ZSCAN12: variants seen among roughly 807,000 people sequenced by gnomAD.
ZSCAN12 encodes zinc finger and SCAN domain-containing protein 12.
A neutral mutation model predicts 23.4 loss-of-function variants in ZSCAN12; 18 were observed. The ratio of observed to expected loss-of-function variants is 0.77; its 90% CI spans 0.53 to 1.14. The LOEUF (loss-of-function observed/expected upper bound fraction) is 1.14. ZSCAN12 is among the 50% of genes most tolerant of loss of function. ZSCAN12 has a pLI of 0.00. For missense variants in ZSCAN12, 650 were observed against 735.0 expected, an observed-to-expected ratio of 0.88 and a Z score of 1.34; for synonymous variants, 186 against 253.4, an observed-to-expected ratio of 0.73 and a Z score of 2.53.
In ZSCAN12 at chr6:28,391,726, A is replaced by G. The variant is rs765246927; in HGVS notation, c.564T>C (p.Thr188=). ...SQQEQVLDVE[T]GNEYGNLKQE... is the part of the protein sequence containing the mutation. ...GCTTTAAATTCCCATACTCATTTCC[A>G]GTCTCAACATCTAAAACTAAGAAGG... is the stretch of plus-strand genomic sequence containing the variant. Residue 188 remains threonine, a synonymous_variant, in exon 4 of 4, where the codon ACT becomes ACC. Coordinates refer to ENST00000684592, the MANE Select transcript of ZSCAN12 (RefSeq NM_001163391.2). The surrounding 1 kb of genome is among the most constrained non-coding windows in gnomAD (Gnocchi z 4.1). 1 of 1,532,608 alleles carries G rather than the reference A, an allele frequency of 6.5e-7. No homozygotes were observed. 94.9% of individuals were successfully genotyped at this position (1,532,608 alleles called of 1,614,324 possible).
In ZSCAN12 at chr6:28,389,030, C is replaced by G. The variant is rs1760682588; in HGVS notation, c.*1424G>C. Among the ~76,000 whole-genome samples the G allele has an allele frequency of 6.6e-6, 1 of 152,054 alleles. No homozygotes were observed. Among genetic ancestry groups the G allele is most frequent in the African/African-American group, 2.4e-5 (1 of 41,394 alleles). ...TTGGTTGATTCATTTTTCAGAAGCC[C>G]AAGGGATAGTATCTCTAATTTGGGG... On this transcript the variant is annotated 3_prime_UTR_variant, in exon 4 of 4. Coordinates refer to ENST00000684592, the MANE Select transcript of ZSCAN12 (RefSeq NM_001163391.2).
At position 28,391,452 on chromosome 6, in the gene ZSCAN12, C is replaced by A. The variant is rs1750642679; in HGVS notation, c.838G>T (p.Gly280Ter). 1 of 1,551,838 alleles carries A rather than the reference C, an allele frequency of 6.4e-7. No individual in the cohort carries two copies. ...GEESYGCDDCGKAFSQHSHLI... is the reference protein window; with the variant it reads ...GEESYGCDDC ...TGTGAGTGCTGACTAAAAGCTTTTC[C>A]ACAGTCATCACATCCGTAAGATTCT... The change falls in exon 4 of 4, where the codon GGA (glycine) becomes TGA (stop). Residue 280 changes from glycine to a stop codon, truncating the protein, a stop_gained. Coordinates refer to ENST00000684592, the MANE Select transcript of ZSCAN12 (RefSeq NM_001163391.2). LOFTEE classifies it low-confidence loss of function (END_TRUNC). This position sits in a 1 kb window ranked among gnomAD's most constrained non-coding sequence, Gnocchi z 4.1.
chr6:28,398,025 T>TTC lies in ZSCAN12; in HGVS notation c.379_380dup (p.Leu128AsnfsTer39). ...TCACCTGCTCTCCTGGTTCATCCAG[T>TTC]TCTCTCTCTAAATCCTCCAGCACAG... On this transcript the variant is annotated frameshift_variant, in exon 2 of 4. Coordinates refer to ENST00000684592, the MANE Select transcript of ZSCAN12 (RefSeq NM_001163391.2). LOFTEE classifies it high-confidence loss of function. The TTC allele has an allele frequency of 1.2e-6, 2 of 1,601,972 alleles. No individual in the cohort carries two copies. Among genetic ancestry groups the TTC allele is most frequent in the Non-Finnish European group, 1.7e-6 (2 of 1,175,280 alleles).
At position 28,385,968 on chromosome 6, in the gene ZSCAN12, C is replaced by G. The variant is rs1349962230; in HGVS notation, c.*4486G>C. Among the ~76,000 whole-genome samples, 1 of 152,208 alleles carries G rather than the reference C, an allele frequency of 6.6e-6. No homozygotes were observed. The highest frequency in any genetic ancestry group is 1.5e-5 in the Non-Finnish European group (1 of 68,034). On this transcript the variant is annotated 3_prime_UTR_variant, in exon 4 of 4. Transcript: ENST00000684592. ...TGAGATGTCTCAATTTGGAGCCCTGCTCAATCCCACTGTCTTTCCTCATTA... is the reference window on the plus strand; with the variant it reads ...TGAGATGTCTCAATTTGGAGCCCTGGTCAATCCCACTGTCTTTCCTCATTA...
downstream of ZSCAN12, chr6:28,381,984 T>C: frequency 6.6e-6 from 1 of 152,290 alleles, no homozygotes; most frequent in East Asian, 1.9e-4. Context: ...TGGGAAATGT[T>C]GGGTTATGGC....
Position 28,385,203 on chromosome 6 carries a change from A to T in ZSCAN12, c.*5251T>A, listed in dbSNP as rs1445174464. ...ACAAATCTTTAAATCTTTCTGTATTAAATTAGACAGCCAAATATTCCTTAT... is the reference window on the plus strand; with the variant it reads ...ACAAATCTTTAAATCTTTCTGTATTTAATTAGACAGCCAAATATTCCTTAT... On this transcript the variant is annotated 3_prime_UTR_variant, in exon 4 of 4. Coordinates refer to ENST00000684592, the MANE Select transcript of ZSCAN12 (RefSeq NM_001163391.2). 6.6e-6 allele frequency among the ~76,000 whole-genome samples: 1 copy of T among 152,216 alleles called. No individual in the cohort carries two copies. The highest frequency in any genetic ancestry group is 2.4e-5 in the African/African-American group (1 of 41,454).
In ZSCAN12 at chr6:28,390,800, T is replaced by C. The variant is rs1301765054; in HGVS notation, c.1490A>G (p.Tyr497Cys). ...CGCCTTCCCACACTTATCACATTTA[T>C]AGGGTCTTTCTCCAGTGTGAATTCG... ...HQRIHTGERP[Y>C]KCDKCGKAFT... Residue 497 changes from tyrosine to cysteine, a missense_variant, in exon 4 of 4, where the codon TAT (tyrosine) becomes TGT (cysteine). Transcript: ENST00000684592. 2.5e-6 allele frequency: 4 copies of C among 1,601,152 alleles called. No individual in the cohort carries two copies. The highest frequency in any genetic ancestry group is 2.2e-5 in the East Asian group (1 of 44,478).
chr6:28,394,781 G>C, intron 2 of ZSCAN12, among the ~76,000 whole-genome samples: 1 of 151,752 alleles, frequency 6.6e-6, no homozygotes. Flanking sequence ...ATCCTATCTC[G>C]TGGCTTTAAA....
downstream of ZSCAN12, chr6:28,382,511 G>A (rs1221023821): frequency 3.2e-6 from 5 of 1,551,992 alleles, no homozygotes; most frequent in Non-Finnish European, 3.5e-6. Flanking sequence ...CCTGAAACAA[G>A]ATTGCCATTC....
At position 28,398,269 on chromosome 6, in the gene ZSCAN12, C is replaced by T. The variant is rs376422412; in HGVS notation, c.137G>A (p.Arg46His). ...KNNTHSREVF[R>H]QYFRQFCYQE... ...GTAGCAGAACTGTCTGAAGTACTGA[C>T]GGAAGACCTCTCTGCTATGGGTGTT... Residue 46 changes from arginine to histidine, a missense_variant, in exon 2 of 4, where the codon CGT becomes CAT. Transcript: ENST00000684592. 39 of 1,611,054 alleles carry T rather than the reference C, an allele frequency of 2.4e-5. No individual in the cohort carries two copies. Among genetic ancestry groups the T allele is most frequent in the African/African-American group, 2.4e-4 (18 of 74,834 alleles).
At chr6:28,382,673 C>A, downstream of ZSCAN12, 1 of 1,527,718 alleles carries the variant, frequency 6.5e-7, no homozygotes, top group South Asian at 1.2e-5. Context: ...GCCAAGAACT[C>A]ACTTATCTGA....
chr6:28,398,801 CG>C (rs927492557), intron 1 of ZSCAN12, among the ~76,000 whole-genome samples: 1 of 149,154 alleles, frequency 6.7e-6, no homozygotes, highest in Admixed American at 6.7e-5. Context: ...GGCGTGACGG[CG>C]GGCGCCTGTA....
In ZSCAN12 at chr6:28,391,625, C is replaced by A. The variant is rs369910447; in HGVS notation, c.665G>T (p.Arg222Met). The change falls in exon 4 of 4, where the codon AGG becomes ATG. Residue 222 changes from arginine (R) to methionine (M), a missense_variant. Arg to Met is a moderately conservative substitution (Grantham distance 91). Coordinates refer to ENST00000684592, the MANE Select transcript of ZSCAN12 (RefSeq NM_001163391.2). The surrounding 1 kb of genome is among the most constrained non-coding windows in gnomAD (Gnocchi z 4.1). The stretch of plus-strand genomic sequence containing the variant: ...TTCAGGTTCACGAGTTTCTCCACAC[C>A]TAGCAGACTTGGACATATCATTTTC... Reference protein sequence around the residue: ...KFENDMSKSARCGETREPEEI... With the variant: ...KFENDMSKSAMCGETREPEEI... 1.9e-6 allele frequency: 3 copies of A among 1,552,104 alleles called. No individual in the cohort carries two copies. In the African/African-American group the frequency reaches 4.1e-5, roughly 21 times the overall value.
At chr6:28,384,451 A>G (rs1032242170), downstream of ZSCAN12, among the ~76,000 whole-genome samples, 7 of 152,186 alleles carry the variant, frequency 4.6e-5, no homozygotes, top group Non-Finnish European at 1.0e-4. Context: ...TATACCCTAG[A>G]GATTAACTTG....
At chr6:28,393,515 A>C (rs1212910026) in intron 2 of ZSCAN12, among the ~76,000 whole-genome samples, 1 of 150,760 alleles carries the variant, frequency 6.6e-6, no homozygotes, top group East Asian at 2.0e-4. Flanking sequence ...CCATGGTGGG[A>C]GGATTGCTTG....
Position 28,391,669 on chromosome 6 carries a change from C to T in ZSCAN12, c.621G>A (p.Gly207=), listed in dbSNP as rs1038435435. 6 of 1,550,496 alleles carry T rather than the reference C, an allele frequency of 3.9e-6. No individual in the cohort carries two copies. The highest frequency in any genetic ancestry group is 2.0e-5 in the Admixed American group (1 of 50,932). ...QEVSEEMEPH[G]KTSSKFENDM... is the part of the protein sequence containing the mutation. ...CATTTTCAAATTTACTGGATGTCTT[C>T]CCATGTGGTTCCATTTCTTCAGAAA... Residue 207 remains glycine (G), a synonymous_variant, in exon 4 of 4, where the codon GGG becomes GGA. Coordinates refer to ENST00000684592, the MANE Select transcript of ZSCAN12 (RefSeq NM_001163391.2). The surrounding 1 kb of genome is among the most constrained non-coding windows in gnomAD (Gnocchi z 4.1).
rs373890729 is a variant in ZSCAN12 at position 28,391,707 on chromosome 6, A to G, written c.583T>C (p.Leu195=). Reference sequence around the variant, plus strand: ...ATTTCTTCAGAAACTTCTTGCTTTAAATTCCCATACTCATTTCCAGTCTCA... The same window carrying G: ...ATTTCTTCAGAAACTTCTTGCTTTAGATTCCCATACTCATTTCCAGTCTCA... ...DVETGNEYGN[L]KQEVSEEMEP... The change falls in exon 4 of 4, where the codon TTA becomes CTA. Residue 195 remains leucine, a synonymous_variant. Transcript: ENST00000684592. This position sits in a 1 kb window ranked among gnomAD's most constrained non-coding sequence, Gnocchi z 4.1. 1,034 of 1,543,936 alleles carry G rather than the reference A, an allele frequency of 6.7e-4. 16 individuals carry two copies. In the South Asian group the frequency reaches 0.012, roughly 18 times the overall value.
At position 28,386,367 on chromosome 6, in the gene ZSCAN12, G is replaced by A. The variant is rs570682575; in HGVS notation, c.*4087C>T. The stretch of plus-strand genomic sequence containing the variant: ...GCCATTGTTACTACAATTGATGACC[G>A]TTATTTCTACCTTGGACCTGCTTCG... On this transcript the variant is annotated 3_prime_UTR_variant, in exon 4 of 4. Transcript: ENST00000684592. Among the ~76,000 whole-genome samples the A allele has an allele frequency of 2.6e-5, 4 of 152,244 alleles. No homozygotes were observed. Among genetic ancestry groups the A allele is most frequent in the East Asian group, 1.9e-4 (1 of 5,184 alleles).
chr6:28,387,100 T>C lies in ZSCAN12; in HGVS notation c.*3354A>G, dbSNP rs1483546454. Among the ~76,000 whole-genome samples the C allele has an allele frequency of 5.3e-5, 8 of 152,136 alleles. No homozygotes were observed. Among genetic ancestry groups the C allele is most frequent in the Admixed American group, 5.2e-4 (8 of 15,270 alleles). On this transcript the variant is annotated 3_prime_UTR_variant, in exon 4 of 4. Transcript: ENST00000684592. ...TCGGCCTCCCAAAGTGCTGGGATTA[T>C]AAGTGTGAGCCACTGCACCCAGCCT... is the stretch of plus-strand genomic sequence containing the variant.
Sources: gnomAD v4.1 joint callset for allele counts (sites outside exome capture counted in the v4.1 genomes callset) on GRCh38, gnomAD v4.1.1 for gene constraint, Gnocchi (gnomAD v3.1) non-coding constraint, MANE v1.5 for transcripts, NCBI Gene and HGNC (gene_info 2026-07-23, HGNC 2026-07-21) for gene names.